AHSG: variants seen among roughly 807,000 people sequenced by gnomAD.
AHSG encodes the protein alpha 2-HS glycoprotein, also known as alpha-2-HS-glycoprotein.
AHSG carries 23 observed loss-of-function variants against 30.1 expected under a neutral mutation model. That is an observed-to-expected ratio of 0.76 (90% CI 0.55 to 1.08). The LOEUF (loss-of-function observed/expected upper bound fraction) is 1.08. Among genes scored for constraint, AHSG ranks in the 50% least tolerant of loss-of-function variants. AHSG has a pLI of 0.00. For missense variants in AHSG, 469 were observed against 459.5 expected (o/e 1.02, Z -0.19); for synonymous variants, 164 against 186.3 (o/e 0.88, Z 0.98).
intron 4 of AHSG, 142 bp from the exon 5 acceptor site, chr3:186,618,394 C>A: frequency 2.2e-6 from 3 of 1,362,626 alleles, no homozygotes; most frequent in Non-Finnish European, 3.0e-6. Context: ...CCTATGTAAG[C>A]CATTGAGGGA....
chr3:186,614,124 A>G (rs1421493160), intron 1 of AHSG, among the ~76,000 whole-genome samples: 1 of 152,190 alleles, frequency 6.6e-6, no homozygotes, highest in East Asian at 1.9e-4. Flanking sequence ...GAAGCCAGTG[A>G]CAAGAAAAAT....
At chr3:186,615,416 G>C (rs1166477406) in intron 1 of AHSG, among the ~76,000 whole-genome samples, 1 of 152,128 alleles carries the variant, frequency 6.6e-6, no homozygotes, top group Admixed American at 6.5e-5. Context: ...TGGCTCCATC[G>C]ACTTGTTCAA....
chr3:186,620,993 C>G lies in AHSG; in HGVS notation c.*63C>G. 4.6e-6 allele frequency: 7 copies of G among 1,524,376 alleles called. No homozygotes were observed. Among genetic ancestry groups the G allele is most frequent in the Non-Finnish European group, 6.2e-6 (7 of 1,121,118 alleles). 94.4% of individuals were successfully genotyped at this position (1,524,376 alleles called of 1,614,324 possible). On this transcript the variant is annotated 3_prime_UTR_variant, in exon 7 of 7. Transcript: ENST00000411641. Reference sequence around the variant, plus strand: ...AACATAGCCACCATTTTGTCCAAGCCTGGGCATGGGTGGGGGGCCTTGTCT... The same window carrying G: ...AACATAGCCACCATTTTGTCCAAGCGTGGGCATGGGTGGGGGGCCTTGTCT...
At chr3:186,619,123 C>T (rs1560251701) in intron 5 of AHSG, among the ~76,000 whole-genome samples, 1 of 151,930 alleles carries the variant, frequency 6.6e-6, no homozygotes, top group Non-Finnish European at 1.5e-5. Context: ...GGTGAAACCC[C>T]GTCTCTACTA....
intron 2 of AHSG, 54 bp from the exon 3 acceptor site, chr3:186,616,389 G>A (rs1716305068): frequency 1.3e-6 from 2 of 1,482,296 alleles, no homozygotes; most frequent in Non-Finnish European, 9.3e-7. Flanking sequence ...GAGGGAGCCT[G>A]CCCGGGGTGC....
chr3:186,620,889 G>T lies in AHSG; in HGVS notation c.1063G>T (p.Val355Phe). The T allele has an allele frequency of 6.2e-7, 1 of 1,614,090 alleles. No homozygotes were observed. Among genetic ancestry groups the T allele is most frequent in the Non-Finnish European group, 8.5e-7 (1 of 1,180,010 alleles). ...TGTTGGTGCTGCTGCTGGGCCAGTGGTTCCTCCATGTCCGGGGAGGATCAG... is the reference window on the plus strand; with the variant it reads ...TGTTGGTGCTGCTGCTGGGCCAGTGTTTCCTCCATGTCCGGGGAGGATCAG... ...PSVGAAAGPV[V>F]PPCPGRIRHF... Residue 355 changes from valine to phenylalanine, a missense_variant, in exon 7 of 7, where the codon GTT becomes TTT. Coordinates refer to ENST00000411641, the MANE Select transcript of AHSG (RefSeq NM_001622.4).
At chr3:186,619,698 T>C (rs577313251) in intron 5 of AHSG, among the ~76,000 whole-genome samples, 159 bp from the exon 6 acceptor site, 1 of 152,294 alleles carries the variant, frequency 6.6e-6, no homozygotes, top group African/African-American at 2.4e-5. Flanking sequence ...TATTTCTGTA[T>C]TTCCATGTTA....
chr3:186,619,934 AAC>A lies in AHSG; in HGVS notation c.757_758del (p.Gln253AlafsTer13). ...TTGCAGTGACCTGCATGGTGTTCCA[AAC>A]ACAGGTAACAGCTCCGTGAATATTC... Reference protein sequence around the residue: ...EVAVTCMVFQTQPVSSQPQPE... With the variant: ...EVAVTCMVFQXQPVSSQPQPE... On this transcript the variant is annotated frameshift_variant, in exon 6 of 7. Coordinates refer to ENST00000411641, the MANE Select transcript of AHSG (RefSeq NM_001622.4). LOFTEE classifies it low-confidence loss of function (END_TRUNC). 4 of 1,610,196 alleles carry A rather than the reference AAC, an allele frequency of 2.5e-6. No individual in the cohort carries two copies. Among genetic ancestry groups the A allele is most frequent in the Non-Finnish European group, 3.4e-6 (4 of 1,178,680 alleles).
intron 4 of AHSG, 181 bp downstream of exon 4, chr3:186,617,531 T>G: frequency 8.4e-7 from 1 of 1,186,208 alleles, no homozygotes; most frequent in Non-Finnish European, 1.2e-6. Flanking sequence ...CTGAGTGTCA[T>G]GAGGACCCCA....
intron 4 of AHSG, chr3:186,618,035 C>T (rs1389687480): frequency 6.3e-6 from 1 of 158,300 alleles, no homozygotes; most frequent in Non-Finnish European, 1.4e-5. Context: ...GCTCCAACTA[C>T]TTTAAAAAAG....
intron 3 of AHSG, 84 bp downstream of exon 3, chr3:186,616,611 C>A: frequency 2.5e-6 from 3 of 1,181,382 alleles, no homozygotes; most frequent in Non-Finnish European, 3.6e-6. Flanking sequence ...TTAAGTAGTT[C>A]TAGCAGCTTT....
intron 6 of AHSG, among the ~76,000 whole-genome samples, chr3:186,620,197 G>A (rs917785676): frequency 6.6e-6 from 1 of 152,200 alleles, no homozygotes; most frequent in African/African-American, 2.4e-5. Context: ...TTATTTGTGG[G>A]AGGTGGGAGT....
At chr3:186,617,387 C>A in intron 4 of AHSG, 37 bp downstream of exon 4, 7 of 1,614,046 alleles carry the variant, frequency 4.3e-6, no homozygotes, top group South Asian at 1.1e-5. Context: ...TTGGGCAGTT[C>A]GGTGGCACTT....
intron 5 of AHSG, among the ~76,000 whole-genome samples, chr3:186,619,397 T>C (rs1428416572): frequency 6.6e-6 from 1 of 152,114 alleles, no homozygotes; most frequent in African/African-American, 2.4e-5. Context: ...AAAAGAGAGA[T>C]CTGTATGTCC....
At chr3:186,618,483 C>T (rs537144419) in intron 4 of AHSG, 53 bp from the exon 5 acceptor site, 1 of 1,598,264 alleles carries the variant, frequency 6.3e-7, no homozygotes, top group South Asian at 1.1e-5. Context: ...CTTCTCTGCC[C>T]TTTTCATTGT....
chr3:186,617,690 T>C lies in AHSG; in HGVS notation c.573+340T>C, dbSNP rs77537727. On this transcript the variant is annotated intron_variant, in intron 4 of 6. Transcript: ENST00000411641. ...GCCCACGTCGGCCAGAAGCACTCAC[T>C]GTAAATTTGCTGGGCTCCAGTACCA... 2,274 of 391,278 alleles carry C rather than the reference T, an allele frequency of 5.8e-3. 37 individuals carry two copies. Among genetic ancestry groups the C allele is most frequent in the African/African-American group, 0.043 (2,087 of 48,498 alleles). The allele number at this position is 391,278 out of a possible 1,614,324, so 24.2% of individuals were successfully genotyped here. A position where few individuals can be genotyped will look rare whatever the true frequency, so the allele number is the denominator to read the frequency against.
intron 2 of AHSG, 67 bp from the exon 3 acceptor site, chr3:186,616,376 C>A: frequency 3.0e-6 from 4 of 1,335,504 alleles, no homozygotes; most frequent in South Asian, 1.3e-5. Context: ...ACAGCCGTGC[C>A]TGGAGGGAGC....
intron 1 of AHSG, among the ~76,000 whole-genome samples, chr3:186,614,048 A>G (rs1716223960): frequency 1.3e-5 from 2 of 152,062 alleles, no homozygotes; most frequent in Admixed American, 6.6e-5. Context: ...CCCACATCCC[A>G]GAGAGAAGTC....
At chr3:186,616,365 G>T (rs2108500960) in intron 2 of AHSG, 78 bp from the exon 3 acceptor site, 1 of 1,153,012 alleles carries the variant, frequency 8.7e-7, no homozygotes, top group South Asian at 1.4e-5. Context: ...GGTCACCTTT[G>T]ACAGCCGTGC....
Sources: allele counts gnomAD v4.1 joint callset (sites outside exome capture counted in the v4.1 genomes callset), GRCh38; gene constraint gnomAD v4.1.1; transcripts MANE v1.5; gene names NCBI Gene and HGNC (gene_info 2026-07-23, HGNC 2026-07-21).